Variants in TENM2 observed in about 807,000 individuals in gnomAD.
TENM2 encodes teneurin-2.
Under a neutral mutation model 245.2 loss-of-function variants are expected in TENM2, and 52 were observed. The observed-to-expected ratio is 0.21, with a 90% CI of 0.17 to 0.27. TENM2 has a LOEUF of 0.27. TENM2 is among the 10% of genes least tolerant of loss of function. TENM2 has a pLI of 1.00. For missense variants in TENM2, 3,046 were observed against 3,666.8 expected, an observed-to-expected ratio of 0.83 and a Z score of 4.37; for synonymous variants, 1,363 against 1,438.9, an observed-to-expected ratio of 0.95 and a Z score of 1.19.
the TENM2 span, among the ~76,000 whole-genome samples, chr5:167,144,017 A>G: frequency 6.6e-6 from 1 of 152,150 alleles, no homozygotes; most frequent in South Asian, 2.1e-4. Flanking sequence ...GTGATCGCTC[A>G]TCAAGGCAGC....
At chr5:167,518,991 G>A (rs577869800) in intron 2 of TENM2, among the ~76,000 whole-genome samples, 1 of 152,194 alleles carries the variant, frequency 6.6e-6, no homozygotes, top group Admixed American at 6.5e-5. Flanking sequence ...TAAGTTTTAT[G>A]CAGCGATGTT....
chr5:167,403,193 T>A (rs2127389232), intron 2 of TENM2, among the ~76,000 whole-genome samples: 1 of 152,146 alleles, frequency 6.6e-6, no homozygotes, highest in East Asian at 1.9e-4. Flanking sequence ...AAAATTTCCT[T>A]AATTCATCCC....
the TENM2 span, among the ~76,000 whole-genome samples, chr5:167,113,145 T>C: frequency 6.6e-6 from 1 of 152,148 alleles, no homozygotes; most frequent in South Asian, 2.1e-4. Context: ...CCGGGAGTTG[T>C]TATTGACCAG....
chr5:168,114,046 T>A (rs1794879344), intron 9 of TENM2, among the ~76,000 whole-genome samples: 1 of 152,214 alleles, frequency 6.6e-6, no homozygotes, highest in South Asian at 2.1e-4. Context: ...TGTGTGTGCG[T>A]GTTTGAGACC....
chr5:167,257,022 G>T, the TENM2 span, among the ~76,000 whole-genome samples: 1 of 151,978 alleles, frequency 6.6e-6, no homozygotes, highest in Non-Finnish European at 1.5e-5. Context: ...AAAGATATCT[G>T]CATTTTTCTT....
chr5:167,087,084 A>G, the TENM2 span, among the ~76,000 whole-genome samples: 13 of 152,234 alleles, frequency 8.5e-5, no homozygotes, highest in African/African-American at 3.1e-4. Flanking sequence ...TCAAGATGAT[A>G]TGGTGCAGAC....
At chr5:167,320,955 A>C (rs912953117) in intron 1 of TENM2, among the ~76,000 whole-genome samples, 16 of 151,818 alleles carry the variant, frequency 1.1e-4, no homozygotes, top group African/African-American at 3.6e-4. Flanking sequence ...ACAAAAAAAA[A>C]CACTAAAATC....
At chr5:167,465,828 C>CAA (rs11386730) in intron 2 of TENM2, among the ~76,000 whole-genome samples, 3 of 151,032 alleles carry the variant, frequency 2.0e-5, no homozygotes, top group Non-Finnish European at 4.4e-5. Context: ...GAGACTGTCT[C>CAA]AAAAAAAGAA....
At chr5:167,802,964 A>G (rs548540059) in intron 2 of TENM2, among the ~76,000 whole-genome samples, 2 of 152,298 alleles carry the variant, frequency 1.3e-5, no homozygotes, top group South Asian at 4.1e-4. Flanking sequence ...ATTCAAAGAA[A>G]ATCAAATGAG....
chr5:167,206,801 C>T, the TENM2 span, among the ~76,000 whole-genome samples: 1,138 of 152,200 alleles, frequency 7.5e-3, 12 homozygotes, highest in South Asian at 0.015. Context: ...TATTTCAAAG[C>T]ATACATAATC....
chr5:167,005,043 TAAAC>T, the TENM2 span, among the ~76,000 whole-genome samples: 4 of 152,254 alleles, frequency 2.6e-5, no homozygotes, highest in African/African-American at 9.6e-5. Context: ...TAAGAAAAAT[TAAAC>T]AAAGCAATAT....
intron 2 of TENM2, among the ~76,000 whole-genome samples, chr5:167,810,664 T>C (rs1412420192): frequency 6.6e-6 from 1 of 151,878 alleles, no homozygotes; most frequent in Non-Finnish European, 1.5e-5. Context: ...AAGGGCTGAC[T>C]TGTGCCCTAA....
At chr5:167,749,561 C>T (rs1761821378) in intron 2 of TENM2, among the ~76,000 whole-genome samples, 2 of 151,788 alleles carry the variant, frequency 1.3e-5, no homozygotes, top group South Asian at 4.2e-4. Flanking sequence ...TCGCTTGAAA[C>T]CGGAAGGCAG....
At chr5:167,185,624 G>T in the TENM2 span, among the ~76,000 whole-genome samples, 1 of 151,946 alleles carries the variant, frequency 6.6e-6, no homozygotes, top group Non-Finnish European at 1.5e-5. Flanking sequence ...TTCTTATCTA[G>T]TTAGTCTTAT....
intron 2 of TENM2, among the ~76,000 whole-genome samples, chr5:167,646,709 C>G (rs1333510190): frequency 6.6e-6 from 1 of 151,700 alleles, no homozygotes; most frequent in African/African-American, 2.4e-5. Context: ...ATATGTCCCC[C>G]CATCTTATCA....
the TENM2 span, among the ~76,000 whole-genome samples, chr5:166,997,328 C>G: frequency 1.3e-5 from 2 of 152,124 alleles, no homozygotes; most frequent in Admixed American, 6.6e-5. Context: ...CAAAAGAGTT[C>G]TATGAGTTTA....
chr5:168,009,549 T>C (rs1785071037), intron 5 of TENM2, among the ~76,000 whole-genome samples: 1 of 152,188 alleles, frequency 6.6e-6, no homozygotes, highest in African/African-American at 2.4e-5. Context: ...CGATTTATTT[T>C]CTGTGTGTTA....
At chr5:167,895,670 G>C (rs1775160140) in intron 3 of TENM2, among the ~76,000 whole-genome samples, 1 of 152,222 alleles carries the variant, frequency 6.6e-6, no homozygotes, top group African/African-American at 2.4e-5. Flanking sequence ...CACTATGTCT[G>C]AGTTGGGATC....
intron 2 of TENM2, among the ~76,000 whole-genome samples, chr5:167,526,213 C>T (rs1771097772): frequency 6.6e-6 from 1 of 151,844 alleles, no homozygotes; most frequent in South Asian, 2.1e-4. Context: ...CTGCAAAATC[C>T]AGATATTAAA....
Sources: allele counts gnomAD v4.1 joint callset (sites outside exome capture counted in the v4.1 genomes callset), GRCh38; gene constraint gnomAD v4.1.1; transcripts MANE v1.5; gene names NCBI Gene and HGNC (gene_info 2026-07-23, HGNC 2026-07-21).